The following MYH9 variants were observed in gnomAD, a reference collection of about 807,000 sequenced individuals.
MYH9 encodes myosin heavy chain 9, also known as myosin-9.
Under a neutral mutation model 241.9 loss-of-function variants are expected in MYH9, and 29 were observed. The ratio of observed to expected loss-of-function variants is 0.12; its 90% CI spans 0.09 to 0.16. MYH9 has a LOEUF of 0.16. Ranked by LOEUF, MYH9 falls within the 10% of genes least tolerant of loss-of-function variation. MYH9 has a pLI of 1.00. For synonymous variants in MYH9, 1,047 were observed against 1,062.6 expected (o/e 0.99, Z 0.29); for missense variants, 1,803 against 2,595.5 (o/e 0.69, Z 6.63).
chr22:36,375,958 T>TC (rs1422210322), intron 1 of MYH9, among the ~76,000 whole-genome samples: 1 of 138,044 alleles, frequency 7.2e-6, no homozygotes, highest in Non-Finnish European at 1.6e-5. Flanking sequence ...ATAATTTCTT[T>TC]TTTTTTTTTT....
At chr22:36,326,771 G>A in intron 4 of MYH9, 110 bp from the exon 5 acceptor site, 1 of 923,294 alleles carries the variant, frequency 1.1e-6, no homozygotes. Flanking sequence ...TGCCCGTGAA[G>A]GACCCAACGT....
Position 36,321,743 on chromosome 22 carries a change from G to C in MYH9, c.769+15C>G, listed in dbSNP as rs201691359. The C allele has an allele frequency of 2.7e-5, 43 of 1,612,880 alleles. No individual in the cohort carries two copies. The highest frequency in any genetic ancestry group is 3.4e-5 in the Non-Finnish European group (40 of 1,178,880). On this transcript the variant is annotated intron_variant, in intron 7 of 40. Transcript: ENST00000216181. ...CCGGATCCAGGACTCTTATCCCAACGAACCACAAGGATACAAGTCTCAATG... is the reference window on the plus strand; with the variant it reads ...CCGGATCCAGGACTCTTATCCCAACCAACCACAAGGATACAAGTCTCAATG...
intron 3 of MYH9, among the ~76,000 whole-genome samples, chr22:36,338,073 C>T (rs183348876): frequency 6.6e-6 from 1 of 152,080 alleles, no homozygotes; most frequent in East Asian, 1.9e-4. Flanking sequence ...TCTCAGCTCA[C>T]TGCAACCTCC....
intron 3 of MYH9, 82 bp from the exon 4 acceptor site, chr22:36,327,570 C>T (rs1362948769): frequency 1.3e-6 from 2 of 1,515,144 alleles, no homozygotes; most frequent in Middle Eastern, 1.7e-4. Flanking sequence ...GCCCGTTTCC[C>T]AGACAGGGAG....
Position 36,305,441 on chromosome 22 carries a change from C to T in MYH9, c.2160-339G>A, listed in dbSNP as rs56098776. Among the ~76,000 whole-genome samples, 6,235 of 152,222 alleles carry T rather than the reference C, an allele frequency of 0.041. 146 individuals are homozygous for T. Among genetic ancestry groups the T allele is most frequent in the East Asian group, 0.095 (492 of 5,168 alleles). Reference sequence around the variant, plus strand: ...CCATGTTCACACAGCTTCCCTGGGACGCTGCAGGGAGCTGCTAATAAACAG... The same window carrying T: ...CCATGTTCACACAGCTTCCCTGGGATGCTGCAGGGAGCTGCTAATAAACAG... On this transcript the variant is annotated intron_variant, in intron 17 of 40. Transcript: ENST00000216181. The surrounding 1 kb of genome is among the most constrained non-coding windows in gnomAD (Gnocchi z 4.7).
At chr22:36,297,292 T>C (rs1040368820) in intron 24 of MYH9, 1 of 497,846 alleles carries the variant, frequency 2.0e-6, no homozygotes, top group Non-Finnish European at 3.6e-6. Context: ...CTTGGTTCCC[T>C]TGAAGGCTGT....
At chr22:36,372,758 G>C (rs1344153959) in intron 1 of MYH9, among the ~76,000 whole-genome samples, 1 of 152,098 alleles carries the variant, frequency 6.6e-6, no homozygotes, top group African/African-American at 2.4e-5. Flanking sequence ...AGCCCTGTTC[G>C]TGCCCTCGGT....
At chr22:36,322,548 A>C (rs745816085) in intron 5 of MYH9, 27 bp from the exon 6 acceptor site, 4 of 1,611,812 alleles carry the variant, frequency 2.5e-6, no homozygotes, top group Non-Finnish European at 3.4e-6. Flanking sequence ...GACGCAGTGA[A>C]GGCCGGGCAG....
chr22:36,360,152 C>T (rs983297734), intron 1 of MYH9, among the ~76,000 whole-genome samples: 2 of 150,380 alleles, frequency 1.3e-5, no homozygotes, highest in African/African-American at 4.9e-5. Flanking sequence ...ACTCCTCTAT[C>T]TTGTGATTCT....
intron 3 of MYH9, among the ~76,000 whole-genome samples, chr22:36,332,260 A>G (rs188047963): frequency 6.6e-6 from 1 of 152,348 alleles, no homozygotes; most frequent in Admixed American, 6.5e-5. Context: ...TTGGGTTACA[A>G]GTCTTTGGGA....
At chr22:36,286,575 G>A in intron 35 of MYH9, 143 bp downstream of exon 35, 3 of 1,176,430 alleles carry the variant, frequency 2.6e-6, no homozygotes, top group Non-Finnish European at 3.7e-6. Flanking sequence ...ACCCTGGAGG[G>A]AATCCTTATG....
At chr22:36,296,257 C>G (rs1448639287) in intron 25 of MYH9, among the ~76,000 whole-genome samples, 1 of 151,656 alleles carries the variant, frequency 6.6e-6, no homozygotes, top group Non-Finnish European at 1.5e-5. Context: ...TTTTTTTAAA[C>G]AGAGTCTCGC....
intron 1 of MYH9, among the ~76,000 whole-genome samples, chr22:36,360,808 G>A (rs2017925571): frequency 5.3e-5 from 8 of 152,184 alleles, no homozygotes; most frequent in Admixed American, 5.2e-4. Context: ...GCTGGTCTGG[G>A]AAATGCTGGT....
intron 2 of MYH9, 47 bp downstream of exon 2, chr22:36,348,856 CT>C: frequency 3.3e-5 from 44 of 1,314,296 alleles, no homozygotes; most frequent in South Asian, 1.9e-4. Context: ...CCCCCCCCAC[CT>C]CGGAGCCCTC....
At chr22:36,319,743 A>T in intron 9 of MYH9, 108 bp from the exon 10 acceptor site, 1 of 1,076,966 alleles carries the variant, frequency 9.3e-7, no homozygotes, top group Non-Finnish European at 1.4e-6. Flanking sequence ...CCAAGCAGGG[A>T]CACCCCCCAA....
chr22:36,301,135 C>T, intron 21 of MYH9, 78 bp from the exon 22 acceptor site: 3 of 1,396,348 alleles, frequency 2.1e-6, no homozygotes, highest in Admixed American at 1.7e-5. Flanking sequence ...GACGCCATGG[C>T]TCGGGATCCC....
intron 2 of MYH9, among the ~76,000 whole-genome samples, chr22:36,346,017 G>A (rs2017672091): frequency 6.6e-6 from 1 of 152,104 alleles, no homozygotes; most frequent in African/African-American, 2.4e-5. Flanking sequence ...CATGCTGGTG[G>A]GCACCTGTAG....
intron 31 of MYH9, among the ~76,000 whole-genome samples, chr22:36,289,612 A>G (rs1023996941): frequency 4.6e-5 from 7 of 152,184 alleles, no homozygotes; most frequent in Admixed American, 2.6e-4. Context: ...AACCTGTAAG[A>G]GCTTTGGTTC....
rs770957131 is a variant in MYH9 at position 36,300,902 on chromosome 22, C to T, written c.2787G>A (p.Glu929=). 3 of 1,603,036 alleles carry T rather than the reference C, an allele frequency of 1.9e-6. No homozygotes were observed. The highest frequency in any genetic ancestry group is 1.7e-5 in the Admixed American group (1 of 59,968). Residue 929 remains glutamate, a synonymous_variant, in exon 22 of 41, where the codon GAG becomes GAA. Coordinates refer to ENST00000216181, the MANE Select transcript of MYH9 (RefSeq NM_002473.6). The surrounding 1 kb of genome is among the most constrained non-coding windows in gnomAD (Gnocchi z 5.0). The part of the protein sequence containing the change: ...DLEARVEEEE[E]RCQHLQAEKK... ...TCTCCGCCTGCAGGTGCTGGCAGCG[C>T]TCCTCCTCCTCCTCCACCCTGGCCT...
Sources: gnomAD v4.1 joint callset for allele counts (sites outside exome capture counted in the v4.1 genomes callset) on GRCh38, gnomAD v4.1.1 for gene constraint, Gnocchi (gnomAD v3.1) non-coding constraint, MANE v1.5 for transcripts, NCBI Gene and HGNC (gene_info 2026-07-23, HGNC 2026-07-21) for gene names.